RPH3A: variants seen among roughly 807,000 people sequenced by gnomAD.
RPH3A encodes the protein rabphilin-3A.
A neutral mutation model predicts 102.2 loss-of-function variants in RPH3A; 48 were observed. The ratio of observed to expected loss-of-function variants is 0.47; its 90% confidence interval spans 0.37 to 0.60. The LOEUF is 0.60. Among genes scored for constraint, RPH3A ranks in the 20% least tolerant of loss-of-function variants. The pLI, the probability that RPH3A is intolerant of heterozygous loss-of-function variation, is 0.00. For synonymous variants in RPH3A, 310 were observed against 324.3 expected (o/e 0.96, Z 0.47); for missense variants, 781 against 910.1 (o/e 0.86, Z 1.83).
At chr12:112,664,592 G>T (rs925636436) in intron 1 of RPH3A, among the ~76,000 whole-genome samples, 10 of 152,158 alleles carry the variant, frequency 6.6e-5, no homozygotes, top group African/African-American at 2.4e-4. Flanking sequence ...GGGGGTTTTG[G>T]TTCCAGTGAA....
At chr12:112,649,049 C>T (rs1391413357) in intron 1 of RPH3A, among the ~76,000 whole-genome samples, 1 of 152,202 alleles carries the variant, frequency 6.6e-6, no homozygotes, top group Non-Finnish European at 1.5e-5. Context: ...AAACTCCTGG[C>T]CTCAAGGCCC....
chr12:112,607,300 T>C (rs1043140834), intron 1 of RPH3A, among the ~76,000 whole-genome samples: 2 of 152,232 alleles, frequency 1.3e-5, no homozygotes, highest in Non-Finnish European at 1.5e-5. Context: ...CTATTTATTT[T>C]CAAAAGTCTA....
intron 1 of RPH3A, among the ~76,000 whole-genome samples, chr12:112,580,700 C>T (rs960893919): frequency 6.6e-6 from 1 of 152,138 alleles, no homozygotes; most frequent in Admixed American, 6.5e-5. Context: ...GCCACCGCGC[C>T]TGGCCTGTCT....
intron 1 of RPH3A, among the ~76,000 whole-genome samples, chr12:112,621,202 G>A (rs921919635): frequency 3.3e-5 from 5 of 152,004 alleles, no homozygotes; most frequent in South Asian, 2.1e-4. Context: ...TGGGTTGGAG[G>A]AGCCAAGATG....
At chr12:112,843,365 G>T (rs1019282193) in intron 4 of RPH3A, among the ~76,000 whole-genome samples, 3 of 152,158 alleles carry the variant, frequency 2.0e-5, no homozygotes, top group Non-Finnish European at 4.4e-5. Flanking sequence ...TTTCAAACAC[G>T]ATGAGCTGTT....
At chr12:112,891,029 G>T (rs2043086615) in intron 19 of RPH3A, 26 bp downstream of exon 19, 1 of 1,613,522 alleles carries the variant, frequency 6.2e-7, no homozygotes, top group East Asian at 2.2e-5. Flanking sequence ...GGGGCTACAG[G>T]TGGGCCCTGA....
Position 112,876,651 on chromosome 12 carries a change from C to A in RPH3A, c.956C>A (p.Pro319Gln). 6.2e-7 allele frequency: 1 copy of A among 1,605,726 alleles called. No individual in the cohort carries two copies. Residue 319 changes from proline to glutamine, a missense_variant, in exon 13 of 22, where the codon CCG becomes CAG. Transcript: ENST00000389385. Reference sequence around the variant, plus strand: ...CCTTATCTCCCTGCAGAGGTGGCTCCGAGCGACCCTGGGACCACTGCCCCA... The same window carrying A: ...CCTTATCTCCCTGCAGAGGTGGCTCAGAGCGACCCTGGGACCACTGCCCCA... ...RFPDQKPEVA[P>Q]SDPGTTAPPR...
chr12:112,607,840 G>A (rs74643871), intron 1 of RPH3A, among the ~76,000 whole-genome samples: 144 of 152,292 alleles, frequency 9.5e-4, no homozygotes, highest in African/African-American at 3.4e-3. Flanking sequence ...TAAATGCACT[G>A]TTCTTTGCTC....
intron 1 of RPH3A, among the ~76,000 whole-genome samples, chr12:112,745,844 G>A (rs1288440425): frequency 6.6e-6 from 1 of 152,124 alleles, no homozygotes; most frequent in Non-Finnish European, 1.5e-5. Flanking sequence ...AGGGTCAGGG[G>A]AGGTGGCTTC....
chr12:112,641,055 T>G (rs1342162455), intron 1 of RPH3A, among the ~76,000 whole-genome samples: 1 of 152,224 alleles, frequency 6.6e-6, no homozygotes, highest in Non-Finnish European at 1.5e-5. Context: ...TAGGGTGTGT[T>G]TCTGTTTTCT....
chr12:112,689,728 A>AT, intron 1 of RPH3A, among the ~76,000 whole-genome samples: 2 of 152,292 alleles, frequency 1.3e-5, no homozygotes, highest in East Asian at 3.8e-4. Context: ...CTGAAGGCTG[A>AT]TTTTTCCCCT....
chr12:112,711,708 T>C (rs1223810046), intron 1 of RPH3A, among the ~76,000 whole-genome samples: 3 of 152,214 alleles, frequency 2.0e-5, no homozygotes, highest in Admixed American at 1.3e-4. Flanking sequence ...GGGCATCTCA[T>C]TGGGCGGGCT....
chr12:112,775,024 A>G (rs2040956289), intron 1 of RPH3A, among the ~76,000 whole-genome samples: 1 of 151,824 alleles, frequency 6.6e-6, no homozygotes, highest in Non-Finnish European at 1.5e-5. Flanking sequence ...AGAACATGGC[A>G]TATGGGAACA....
intron 4 of RPH3A, among the ~76,000 whole-genome samples, chr12:112,847,406 T>C (rs887093721): frequency 4.6e-5 from 7 of 152,224 alleles, no homozygotes; most frequent in African/African-American, 1.7e-4. Flanking sequence ...TCCACTCCAG[T>C]TGTAGAAGTC....
At chr12:112,722,171 T>C (rs1013353236) in intron 1 of RPH3A, among the ~76,000 whole-genome samples, 5 of 152,216 alleles carry the variant, frequency 3.3e-5, no homozygotes, top group African/African-American at 1.2e-4. Context: ...CTCATTAGGC[T>C]TGGATTTTTA....
At chr12:112,779,283 C>T (rs2040990075) in intron 1 of RPH3A, among the ~76,000 whole-genome samples, 1 of 152,172 alleles carries the variant, frequency 6.6e-6, no homozygotes. Flanking sequence ...TCGAGGAGTC[C>T]TCCAGCCAAA....
chr12:112,580,904 G>C (rs1025071440), intron 1 of RPH3A, among the ~76,000 whole-genome samples: 2 of 152,156 alleles, frequency 1.3e-5, no homozygotes, highest in African/African-American at 4.8e-5. Flanking sequence ...GTGTTTTCCT[G>C]TAAGAATTAC....
chr12:112,712,879 T>TTTTTTCTTCTTC (rs2040472924), intron 1 of RPH3A, among the ~76,000 whole-genome samples: 2 of 136,746 alleles, frequency 1.5e-5, no homozygotes, highest in African/African-American at 6.4e-5. Context: ...CTCACTTTTT[T>TTTTTTCTTCTTC]TTCTTCTTCT....
intron 1 of RPH3A, among the ~76,000 whole-genome samples, chr12:112,763,563 A>G (rs760100094): frequency 1.3e-5 from 2 of 152,252 alleles, no homozygotes; most frequent in Non-Finnish European, 2.9e-5. Context: ...CCTGGAATCA[A>G]TAGAAAGAAA....
Sources: allele counts gnomAD v4.1 joint callset (sites outside exome capture counted in the v4.1 genomes callset), GRCh38; gene constraint gnomAD v4.1.1; transcripts MANE v1.5; gene names NCBI Gene and HGNC (gene_info 2026-07-23, HGNC 2026-07-21).